Variants in FBXW7 observed in about 807,000 individuals in gnomAD.
The protein encoded by FBXW7 is F-box and WD repeat domain containing 7.
FBXW7 carries 11 observed loss-of-function variants against 86.3 expected under a neutral mutation model. The ratio of observed to expected loss-of-function variants is 0.13; its 90% CI spans 0.08 to 0.21. The LOEUF (loss-of-function observed/expected upper bound fraction) is 0.21. Ranked by LOEUF, FBXW7 falls within the 10% of genes least tolerant of loss-of-function variation. FBXW7 has a pLI of 1.00. For synonymous variants in FBXW7, 313 were observed against 297.9 expected, an observed-to-expected ratio of 1.05 and a Z score of -0.52; for missense variants, 488 against 847.4, an observed-to-expected ratio of 0.58 and a Z score of 5.27.
intron 4 of FBXW7, among the ~76,000 whole-genome samples, chr4:152,356,409 GTTCTT>G (rs201791573): frequency 9.7e-6 from 1 of 103,574 alleles, no homozygotes; most frequent in Non-Finnish European, 2.9e-5. Context: ...AATACTATTA[GTTCTT>G]TTCTTTACCT....
In FBXW7 at chr4:152,401,221, A is replaced by G. The variant is rs1473154293; in HGVS notation, c.501+10082T>C. Among the ~76,000 whole-genome samples, 5 of 152,334 alleles carry G rather than the reference A, an allele frequency of 3.3e-5. No individual in the cohort carries two copies. In the East Asian group the frequency reaches 9.6e-4, roughly 29 times the overall value. ...CGCAAAGGAGTTAAAAACTTAGTCC[A>G]TGCAAAATCCTGCACACAGATTTTC... On this transcript the variant is annotated intron_variant, in intron 4 of 13. Transcript: ENST00000281708.
At chr4:152,473,515 T>TA (rs1243461895) in intron 2 of FBXW7, among the ~76,000 whole-genome samples, 1 of 152,170 alleles carries the variant, frequency 6.6e-6, no homozygotes, top group Non-Finnish European at 1.5e-5. Context: ...GATGAGGTCT[T>TA]ACTCTTTTGC....
intron 12 of FBXW7, 128 bp from the exon 13 acceptor site, chr4:152,324,522 A>C: frequency 1.4e-6 from 1 of 707,264 alleles, no homozygotes; most frequent in South Asian, 1.9e-5. Context: ...ATGAGGTACT[A>C]AGATAAAGTG....
intron 2 of FBXW7, among the ~76,000 whole-genome samples, chr4:152,469,697 A>G (rs936775441): frequency 1.3e-5 from 2 of 152,122 alleles, no homozygotes; most frequent in African/African-American, 2.4e-5. Context: ...CACTAAAACC[A>G]TTTCTTTCCT....
rs555285944 is a variant in FBXW7 at position 152,447,106 on chromosome 4, A to G, written c.-119-34577T>C. Among the ~76,000 whole-genome samples the G allele has an allele frequency of 9.2e-5, 14 of 152,354 alleles. No individual in the cohort carries two copies. The South Asian group carries it at 2.9e-3, about 32-fold the overall frequency. ...ATATTTTCAACTTTCTAGAAACACT[A>G]AGGCTTCAAACACTACAAGTGACTA... On this transcript the variant is annotated intron_variant, in intron 2 of 13. Transcript: ENST00000281708.
rs1737943200 is a variant in FBXW7, at chr4:152,411,363, A to G, written c.441T>C (p.Ser147=). The G allele has an allele frequency of 1.9e-6, 3 of 1,613,510 alleles. No individual in the cohort carries two copies. The highest frequency in any genetic ancestry group is 1.7e-6 in the Non-Finnish European group (2 of 1,179,758). Residue 147 remains serine, a synonymous_variant, in exon 4 of 14, where the codon AGT becomes AGC. Coordinates refer to ENST00000281708, the MANE Select transcript of FBXW7 (RefSeq NM_001349798.2). ...GGTGAACGGGCAGGTCCACAATACT[A>G]CTGGAGTTCGTGACACTGTTAGTAT... ...HTHTNSVTNS[S]SIVDLPVHQL...
At chr4:152,392,821 A>T (rs1239869299) in intron 4 of FBXW7, among the ~76,000 whole-genome samples, 1 of 152,206 alleles carries the variant, frequency 6.6e-6, no homozygotes, top group East Asian at 1.9e-4. Flanking sequence ...TGAGGATGGC[A>T]AAATTTTGGG....
At chr4:152,505,282 A>C (rs1449742209) in intron 2 of FBXW7, among the ~76,000 whole-genome samples, 2 of 152,222 alleles carry the variant, frequency 1.3e-5, no homozygotes, top group African/African-American at 2.4e-5. Flanking sequence ...GGCCTAGGAC[A>C]TTATTGTATA....
intron 4 of FBXW7, among the ~76,000 whole-genome samples, chr4:152,357,237 A>C (rs866625458): frequency 6.6e-6 from 1 of 152,138 alleles, no homozygotes; most frequent in Non-Finnish European, 1.5e-5. Flanking sequence ...TATAATCCAA[A>C]CCTTTGTAAA....
chr4:152,443,565 G>A (rs989540446), intron 2 of FBXW7, among the ~76,000 whole-genome samples: 2 of 152,126 alleles, frequency 1.3e-5, no homozygotes, highest in Middle Eastern at 3.4e-3. Flanking sequence ...ACTGACTCCT[G>A]CATATAGTTG....
At chr4:152,502,099 T>C (rs986513256) in intron 2 of FBXW7, among the ~76,000 whole-genome samples, 6 of 152,182 alleles carry the variant, frequency 3.9e-5, no homozygotes, top group African/African-American at 1.4e-4. Context: ...TTTAATCACA[T>C]ACATAACCAA....
intron 2 of FBXW7, among the ~76,000 whole-genome samples, chr4:152,522,284 T>C (rs982575533): frequency 1.3e-5 from 2 of 152,216 alleles, no homozygotes; most frequent in Admixed American, 6.5e-5. Context: ...GTAAAATTCA[T>C]CTGGAACCTT....
intron 4 of FBXW7, chr4:152,352,771 TGA>T (rs1419168721): frequency 4.4e-6 from 7 of 1,605,980 alleles, no homozygotes; most frequent in Non-Finnish European, 5.1e-6. Context: ...GAGGGAATAA[TGA>T]GAGAGAACGG....
intron 12 of FBXW7, chr4:152,324,696 A>G (rs1728851093): frequency 3.2e-6 from 1 of 310,960 alleles, no homozygotes; most frequent in South Asian, 3.7e-5. Context: ...TAATTTTCAA[A>G]TCATCTGGCC....
At chr4:152,387,581 T>G (rs1270881677) in intron 4 of FBXW7, among the ~76,000 whole-genome samples, 1 of 132,082 alleles carries the variant, frequency 7.6e-6, no homozygotes, top group Non-Finnish European at 1.6e-5. Context: ...AATGATAAAT[T>G]ATCAAGCTTG....
At chr4:152,415,505 C>T (rs1021154753) in intron 2 of FBXW7, among the ~76,000 whole-genome samples, 1 of 152,058 alleles carries the variant, frequency 6.6e-6, no homozygotes, top group South Asian at 2.1e-4. Context: ...AGAGCCAACA[C>T]CCTCCACTTC....
intron 2 of FBXW7, among the ~76,000 whole-genome samples, chr4:152,424,800 G>A (rs752687419): frequency 1.2e-4 from 18 of 152,170 alleles, no homozygotes; most frequent in Non-Finnish European, 2.1e-4. Context: ...TAGTTATTAG[G>A]CAAATAAAGT....
intron 2 of FBXW7, among the ~76,000 whole-genome samples, chr4:152,416,841 GT>G (rs1738481834): frequency 6.6e-6 from 1 of 152,080 alleles, no homozygotes; most frequent in African/African-American, 2.4e-5. Context: ...TACATATTTT[GT>G]TTTGGCTAAA....
intron 4 of FBXW7, among the ~76,000 whole-genome samples, chr4:152,353,148 A>G (rs1732025039): frequency 6.6e-6 from 1 of 152,212 alleles, no homozygotes; most frequent in Admixed American, 6.5e-5. Flanking sequence ...AAAATAGGAT[A>G]TATTTTCATA....
Sources: allele counts gnomAD v4.1 joint callset (sites outside exome capture counted in the v4.1 genomes callset), GRCh38; gene constraint gnomAD v4.1.1; transcripts MANE v1.5; gene names NCBI Gene and HGNC (gene_info 2026-07-23, HGNC 2026-07-21).